Variants in EPN1 observed in about 807,000 individuals in gnomAD.
EPN1 encodes the protein epsin 1.
In EPN1, 25 loss-of-function variants were observed where a neutral mutation model predicts 56.9. The ratio of observed to expected loss-of-function variants is 0.44; its 90% CI spans 0.32 to 0.61. EPN1 has a LOEUF of 0.61. Ranked by LOEUF, EPN1 falls within the 20% of genes least tolerant of loss-of-function variation. The pLI is 0.05. For synonymous variants in EPN1, 411 were observed against 361.8 expected, an observed-to-expected ratio of 1.14 and a Z score of -1.54; for missense variants, 785 against 823.7, an observed-to-expected ratio of 0.95 and a Z score of 0.58.
In EPN1 at chr19:55,704,348, G is replaced by A. The variant is rs1987292153; in HGVS notation, c.*8992G>A. On this transcript the variant is annotated 3_prime_UTR_variant, in exon 11 of 11. Coordinates refer to ENST00000270460, the MANE Select transcript of EPN1 (RefSeq NM_001130072.2). ...GTACCCCAGAATGGGGCTGTATTTG[G>A]AGACAGGGCCTTTACAAGGTAAGTA... is the stretch of plus-strand genomic sequence containing the variant. 3 of 152,314 alleles carry A rather than the reference G, an allele frequency of 2.0e-5. No homozygotes were observed. Among genetic ancestry groups the A allele is most frequent in the Non-Finnish European group, 4.4e-5 (3 of 68,134 alleles). The allele number at this position is 152,314 out of a possible 1,614,324, so 9.4% of individuals were successfully genotyped here. A position where few individuals can be genotyped will look rare whatever the true frequency, so the allele number is the denominator to read the frequency against.
chr19:55,693,002 T>C lies in EPN1; in HGVS notation c.1229T>C (p.Leu410Pro). The change falls in exon 9 of 11, where the codon CTC (leucine) becomes CCC (proline). Residue 410 changes from leucine (L) to proline (P), a missense_variant. Around this residue, in one of 2 missense-constraint regions of EPN1, gnomAD observed 650 missense variants for 605.0 expected, o/e 1.07. Transcript: ENST00000270460. ...GACGAGTTCTCTGACTTTGACCGAC[T>C]CCGCACGGCACTGCCGACCTCCGGG... ...EPDEFSDFDR[L>P]RTALPTSGSS... The C allele has an allele frequency of 5.0e-6, 8 of 1,613,346 alleles. No homozygotes were observed. Among genetic ancestry groups the C allele is most frequent in the Non-Finnish European group, 6.8e-6 (8 of 1,179,616 alleles).
rs1987437841 is a variant in EPN1 at position 55,706,689 on chromosome 19, T to G, written c.*11333T>G. ...AAGAGGGGAAGGGAAGGGAGAGATT[T>G]AAAAAACAATAGTAAAGAGAGATTT... On this transcript the variant is annotated 3_prime_UTR_variant, in exon 11 of 11. Transcript: ENST00000270460. 7.3e-6 allele frequency: 1 copy of G among 137,398 alleles called. No homozygotes were observed. The highest frequency in any genetic ancestry group is 1.6e-5 in the Non-Finnish European group (1 of 63,730). The allele number at this position is 137,398 out of a possible 1,614,324, so 8.5% of individuals were successfully genotyped here. A position where few individuals can be genotyped will look rare whatever the true frequency, so the allele number is the denominator to read the frequency against.
intron 1 of EPN1, among the ~76,000 whole-genome samples, chr19:55,676,202 A>C (rs1230106757): frequency 1.3e-5 from 2 of 152,224 alleles, no homozygotes; most frequent in Non-Finnish European, 2.9e-5. Context: ...ACACATAGCA[A>C]GTGTGTAATT....
rs1986551036 is a variant in EPN1, at chr19:55,691,628, C to T, written c.763-126C>T. On this transcript the variant is annotated intron_variant, in intron 6 of 10. Transcript: ENST00000270460. This position sits in a 1 kb window ranked among gnomAD's most constrained non-coding sequence, Gnocchi z 5.6. ...TTTGGGGCCTGCCTCCCTCTCACCC[C>T]TTATGGATGGCTGCTGTCTGGACAC... is the stretch of plus-strand genomic sequence containing the variant. 2.5e-6 allele frequency: 2 copies of T among 793,904 alleles called. No homozygotes were observed. The highest frequency in any genetic ancestry group is 5.3e-5 in the East Asian group (2 of 38,014). 49.2% of individuals were successfully genotyped at this position (793,904 alleles called of 1,614,324 possible). A position where few individuals can be genotyped will look rare whatever the true frequency, so the allele number is the denominator to read the frequency against.
rs1213626145 is a variant in EPN1, at chr19:55,699,488, C to T, written c.*4132C>T. The T allele has an allele frequency of 1.3e-5, 2 of 152,250 alleles. No homozygotes were observed. The highest frequency in any genetic ancestry group is 2.9e-5 in the Non-Finnish European group (2 of 68,058). The allele number at this position is 152,250 out of a possible 1,614,324, so 9.4% of individuals were successfully genotyped here. ...TTCACTGTGGTGAGAAACCGGCCTA[C>T]TCACATCACAGGTGCCCCTGGAGTT... On this transcript the variant is annotated 3_prime_UTR_variant, in exon 11 of 11. Transcript: ENST00000270460.
chr19:55,677,415 G>T, intron 1 of EPN1: 1 of 662,128 alleles, frequency 1.5e-6, no homozygotes, highest in South Asian at 1.9e-5. Context: ...CTTGTTTCTC[G>T]TCACCAGTCT....
Position 55,703,669 on chromosome 19 carries a change from A to C in EPN1, c.*8313A>C, listed in dbSNP as rs1258808662. On this transcript the variant is annotated 3_prime_UTR_variant, in exon 11 of 11. Transcript: ENST00000270460. ...AGATTGGTCACTAGCAGGGCGTCTG[A>C]TGGAACTTTCTGAGATGCCGGAAAT... 1 of 152,250 alleles carries C rather than the reference A, an allele frequency of 6.6e-6. No individual in the cohort carries two copies. The highest frequency in any genetic ancestry group is 1.5e-5 in the Non-Finnish European group (1 of 68,062). The allele number at this position is 152,250 out of a possible 1,614,324, so 9.4% of individuals were successfully genotyped here. A position where few individuals can be genotyped will look rare whatever the true frequency, so the allele number is the denominator to read the frequency against.
Position 55,708,805 on chromosome 19 carries a change from A to G in EPN1, c.*13449A>G, listed in dbSNP as rs766905800. ...ACACTTAGGGAGTACCTCTGAAATC[A>G]CAGCCCTGCTGCCATGATGTGCAAT... On this transcript the variant is annotated 3_prime_UTR_variant, in exon 11 of 11. Coordinates refer to ENST00000270460, the MANE Select transcript of EPN1 (RefSeq NM_001130072.2). 1.7e-5 allele frequency: 12 copies of G among 723,282 alleles called. No homozygotes were observed. Among genetic ancestry groups the G allele is most frequent in the Non-Finnish European group, 2.4e-5 (11 of 453,198 alleles). 44.8% of individuals were successfully genotyped at this position (723,282 alleles called of 1,614,324 possible). A position where few individuals can be genotyped will look rare whatever the true frequency, so the allele number is the denominator to read the frequency against.
Position 55,691,803 on chromosome 19 carries a change from C to G in EPN1, c.812C>G (p.Pro271Arg), listed in dbSNP as rs200210378. Residue 271 changes from proline (P) to arginine (R), a missense_variant, in exon 7 of 11, where the codon CCG becomes CGG. Around this residue, in one of 2 missense-constraint regions of EPN1, gnomAD observed 650 missense variants for 605.0 expected, o/e 1.07. Transcript: ENST00000270460. The surrounding 1 kb of genome is among the most constrained non-coding windows in gnomAD (Gnocchi z 5.6). Reference protein sequence around the residue: ...ADVFTAPAPAPTTDPWGGPAP... With the variant: ...ADVFTAPAPARTTDPWGGPAP... The stretch of plus-strand genomic sequence containing the variant: ...GTCTTCACGGCCCCAGCTCCTGCCC[C>G]GACCACAGACCCCTGGGGGGGCCCA... 2.5e-6 allele frequency: 4 copies of G among 1,612,666 alleles called. No homozygotes were observed. The highest frequency in any genetic ancestry group is 2.2e-5 in the East Asian group (1 of 44,840).
Position 55,694,461 on chromosome 19 carries a change from C to G in EPN1, c.1265-265C>G, listed in dbSNP as rs1443239723. ...GGCCCCACCCTGAAGCAGTTGCTGC[C>G]CTCTGGTTGTCAGAGGGTGACACCT... is the stretch of plus-strand genomic sequence containing the variant. On this transcript the variant is annotated intron_variant, in intron 9 of 10. Coordinates refer to ENST00000270460, the MANE Select transcript of EPN1 (RefSeq NM_001130072.2). This position sits in a 1 kb window ranked among gnomAD's most constrained non-coding sequence, Gnocchi z 4.2. 1 of 413,948 alleles carries G rather than the reference C, an allele frequency of 2.4e-6. No individual in the cohort carries two copies. Among genetic ancestry groups the G allele is most frequent in the Admixed American group, 4.2e-5 (1 of 23,864 alleles). The allele number at this position is 413,948 out of a possible 1,614,324, so 25.6% of individuals were successfully genotyped here.
chr19:55,677,093 C>T (rs562979644), intron 1 of EPN1: 381 of 1,540,020 alleles, frequency 2.5e-4, no homozygotes, highest in Admixed American at 3.4e-4. Flanking sequence ...AGCCTCTCTC[C>T]GTCATCCCTA....
rs932599079 is a variant in EPN1, at chr19:55,697,551, CAG to C, written c.*2199_*2200del. On this transcript the variant is annotated 3_prime_UTR_variant, in exon 11 of 11. Transcript: ENST00000270460. The stretch of plus-strand genomic sequence containing the variant: ...CCCACCATTTCCTCATTTGGCAAAA[CAG>C]AGAAGACAGGATTGAAAAACAAGAC... 1.7e-4 allele frequency: 26 copies of C among 152,292 alleles called. No individual in the cohort carries two copies. Among genetic ancestry groups the C allele is most frequent in the African/African-American group, 6.3e-4 (26 of 41,542 alleles). The allele number at this position is 152,292 out of a possible 1,614,324, so 9.4% of individuals were successfully genotyped here. A position where few individuals can be genotyped will look rare whatever the true frequency, so the allele number is the denominator to read the frequency against.
rs36068544 is a variant in EPN1 at position 55,709,381 on chromosome 19, TAA to T, written c.*14036_*14037del. ...TATTGCTTCTTATAATGTGCTTGCT[TAA>T]AAAAAAAAAACATGAGCTTTTCTCA... On this transcript the variant is annotated 3_prime_UTR_variant, in exon 11 of 11. Coordinates refer to ENST00000270460, the MANE Select transcript of EPN1 (RefSeq NM_001130072.2). 24 of 151,566 alleles carry T rather than the reference TAA, an allele frequency of 1.6e-4. No individual in the cohort carries two copies. Among genetic ancestry groups the T allele is most frequent in the Non-Finnish European group, 2.3e-4 (16 of 69,132 alleles). The allele number at this position is 151,566 out of a possible 1,614,324, so 9.4% of individuals were successfully genotyped here. A position where few individuals can be genotyped will look rare whatever the true frequency, so the allele number is the denominator to read the frequency against.
At position 55,694,791 on chromosome 19, in the gene EPN1, G is replaced by A; in HGVS notation, c.1330G>A (p.Val444Ile). 1.2e-6 allele frequency: 2 copies of A among 1,610,332 alleles called. No homozygotes were observed. Among genetic ancestry groups the A allele is most frequent in the Non-Finnish European group, 1.7e-6 (2 of 1,177,976 alleles). The change falls in exon 10 of 11, where the codon GTC becomes ATC. Residue 444 changes from valine (V) to isoleucine (I), a missense_variant. Coordinates refer to ENST00000270460, the MANE Select transcript of EPN1 (RefSeq NM_001130072.2). The surrounding 1 kb of genome is among the most constrained non-coding windows in gnomAD (Gnocchi z 4.2). ...RSPGAFDMSG[V>I]RGSLAEAVGS... is the part of the protein sequence containing the mutation. Reference sequence around the variant, plus strand: ...CCCTGGGGCGTTTGACATGAGTGGGGTCAGGGGATCTCTGGCTGAGGCTGT... The same window carrying A: ...CCCTGGGGCGTTTGACATGAGTGGGATCAGGGGATCTCTGGCTGAGGCTGT...
rs1456451550 is a variant in EPN1 at position 55,705,323 on chromosome 19, A to G, written c.*9967A>G. The G allele has an allele frequency of 1.3e-5, 2 of 152,208 alleles. No homozygotes were observed. Among genetic ancestry groups the G allele is most frequent in the Admixed American group, 6.5e-5 (1 of 15,286 alleles). 9.4% of individuals were successfully genotyped at this position (152,208 alleles called of 1,614,324 possible). On this transcript the variant is annotated 3_prime_UTR_variant, in exon 11 of 11. Transcript: ENST00000270460. ...ACAAAAACGAAAACAAACCAATGAAAAAAACCTCTCAGAACGATACAGAAT... is the reference window on the plus strand; with the variant it reads ...ACAAAAACGAAAACAAACCAATGAAGAAAACCTCTCAGAACGATACAGAAT...
At position 55,695,324 on chromosome 19, in the gene EPN1, C is replaced by G; in HGVS notation, c.1699C>G (p.Pro567Ala). The G allele has an allele frequency of 6.5e-7, 1 of 1,534,368 alleles. No individual in the cohort carries two copies. Among genetic ancestry groups the G allele is most frequent in the Non-Finnish European group, 8.8e-7 (1 of 1,139,588 alleles). Reference sequence around the variant, plus strand: ...GCCCCCCATGATGCCCCCGGGCCCCCCGGCCCCCAACACTAATCCCTTCCT... The same window carrying G: ...GCCCCCCATGATGCCCCCGGGCCCCGCGGCCCCCAACACTAATCCCTTCCT... Reference protein sequence around the residue: ...GLPPMMPPGPPAPNTNPFLL With the variant: ...GLPPMMPPGPAAPNTNPFLL Residue 567 changes from proline (P) to alanine (A), a missense_variant, in exon 11 of 11, where the codon CCG (proline) becomes GCG (alanine). Physicochemically the swap from Pro to Ala is conservative, Grantham distance 27. Around this residue, in one of 2 missense-constraint regions of EPN1, gnomAD observed 650 missense variants for 605.0 expected, o/e 1.07. Transcript: ENST00000270460. The surrounding 1 kb of genome is among the most constrained non-coding windows in gnomAD (Gnocchi z 4.4).
chr19:55,686,288 G>A (rs1240737479), intron 3 of EPN1, among the ~76,000 whole-genome samples: 1 of 145,798 alleles, frequency 6.9e-6, no homozygotes, highest in African/African-American at 2.5e-5. Flanking sequence ...CAGGAAGTGT[G>A]GTCTGTGTTG....
In EPN1 at chr19:55,691,906, T is replaced by G. The variant is rs1451628788; in HGVS notation, c.915T>G (p.Ala305=). 7 of 1,595,140 alleles carry G rather than the reference T, an allele frequency of 4.4e-6. No individual in the cohort carries two copies. Among genetic ancestry groups the G allele is most frequent in the Non-Finnish European group, 6.0e-6 (7 of 1,171,442 alleles). ...PWGGPPVPPA[A]DPWGGPAPTP... ...GCGGCCCCCCTGTCCCTCCAGCTGC[T>G]GATCCCTGGGGAGGTCCAGCCCCCA... Residue 305 remains alanine (A), a synonymous_variant, in exon 7 of 11, where the codon GCT becomes GCG. Coordinates refer to ENST00000270460, the MANE Select transcript of EPN1 (RefSeq NM_001130072.2). This position sits in a 1 kb window ranked among gnomAD's most constrained non-coding sequence, Gnocchi z 5.6.
At position 55,706,277 on chromosome 19, in the gene EPN1, C is replaced by CTTTTTTTTTTTTTTTTTTTT; in HGVS notation, c.*10923_*10924insTTTTTTTTTTTTTTTTTTTT. On this transcript the variant is annotated 3_prime_UTR_variant, in exon 11 of 11. Coordinates refer to ENST00000270460, the MANE Select transcript of EPN1 (RefSeq NM_001130072.2). The stretch of plus-strand genomic sequence containing the variant: ...TCTTTTCTTCCTTTCTTCTCTTTTT[C>CTTTTTTTTTTTTTTTTTTTT]TTCTTCTTTTTTTTTTTTTTTTAAA... 3.0e-4 allele frequency: 30 copies of CTTTTTTTTTTTTTTTTTTTT among 98,510 alleles called. No homozygotes were observed. The highest frequency in any genetic ancestry group is 4.5e-4 in the Non-Finnish European group (24 of 53,394). 6.1% of individuals were successfully genotyped at this position (98,510 alleles called of 1,614,324 possible). A position where few individuals can be genotyped will look rare whatever the true frequency, so the allele number is the denominator to read the frequency against.
Sources: gnomAD v4.1 joint callset for allele counts (sites outside exome capture counted in the v4.1 genomes callset) on GRCh38, gnomAD v4.1.1 for gene constraint, gnomAD v4.1.1 regional missense constraint, Gnocchi (gnomAD v3.1) non-coding constraint, MANE v1.5 for transcripts, NCBI Gene and HGNC (gene_info 2026-07-23, HGNC 2026-07-21) for gene names.